TMEM236: variants seen among roughly 807,000 people sequenced by gnomAD.
The protein encoded by TMEM236 is transmembrane protein 236, also known as family with sequence similarity 23, member A.
Under a neutral mutation model 14.7 loss-of-function variants are expected in TMEM236, and 11 were observed. That is an observed-to-expected ratio of 0.75 (90% CI 0.47 to 1.24). The LOEUF is 1.24. TMEM236 is among the 50% of genes most tolerant of loss of function. TMEM236 has a pLI of 0.00. For missense variants in TMEM236, 464 were observed against 427.3 expected (o/e 1.09, Z -0.76); for synonymous variants, 182 against 168.6 (o/e 1.08, Z -0.62).
rs1353868428 is a variant in TMEM236 at position 17,800,671 on chromosome 10, C to T, written c.*4167C>T. 1 of 152,106 alleles carries T rather than the reference C, an allele frequency of 6.6e-6. No homozygotes were observed. The highest frequency in any genetic ancestry group is 2.1e-4 in the South Asian group (1 of 4,818). 9.4% of individuals were successfully genotyped at this position (152,106 alleles called of 1,614,324 possible). A position where few individuals can be genotyped will look rare whatever the true frequency, so the allele number is the denominator to read the frequency against. ...TGTGCTGTGTACCTTGGAGCAGGGC[C>T]TTACATAGTGAATATATCAATAGTT... On this transcript the variant is annotated 3_prime_UTR_variant, in exon 4 of 4. Transcript: ENST00000377495.
chr10:17,771,271 T>A lies in TMEM236; in HGVS notation c.258-38T>A, dbSNP rs782173511. The stretch of plus-strand genomic sequence containing the variant: ...AATGTAAGAGGAACTGTCGATCTTG[T>A]CCATGATTGCTTTGGCTTATTTTTT... On this transcript the variant is annotated intron_variant, in intron 1 of 3. Coordinates refer to ENST00000377495, the MANE Select transcript of TMEM236 (RefSeq NM_001098844.3). 69 of 1,590,034 alleles carry A rather than the reference T, an allele frequency of 4.3e-5. No homozygotes were observed. In the South Asian group the frequency reaches 7.2e-4, roughly 17 times the overall value.
At chr10:17,755,856 A>T (rs1201104778) in intron 1 of TMEM236, among the ~76,000 whole-genome samples, 4 of 152,172 alleles carry the variant, frequency 2.6e-5, no homozygotes, top group Non-Finnish European at 4.4e-5. Flanking sequence ...TCTGAATGTC[A>T]TTTAGGCAGC....
chr10:17,779,538 G>A (rs903910134), intron 3 of TMEM236, among the ~76,000 whole-genome samples: 1 of 152,066 alleles, frequency 6.6e-6, no homozygotes, highest in Non-Finnish European at 1.5e-5. Flanking sequence ...AGCCTCCCAA[G>A]TAGCTGGGAA....
At chr10:17,771,147 C>G (rs1837565055) in intron 1 of TMEM236, 162 bp from the exon 2 acceptor site, 2 of 675,688 alleles carry the variant, frequency 3.0e-6, no homozygotes, top group East Asian at 2.7e-5. Context: ...GCGCGTGTTC[C>G]TCTTTGCCAT....
At position 17,797,385 on chromosome 10, in the gene TMEM236, C is replaced by T. The variant is rs1838035039; in HGVS notation, c.*881C>T. ...CTCAGCTCACTGCAACCTGTATCTC[C>T]CGGGTTCAAGCGATTCTCCTGCCTC... On this transcript the variant is annotated 3_prime_UTR_variant, in exon 4 of 4. Transcript: ENST00000377495. The T allele has an allele frequency of 1.3e-5, 2 of 152,028 alleles. No individual in the cohort carries two copies. Among genetic ancestry groups the T allele is most frequent in the African/African-American group, 4.8e-5 (2 of 41,450 alleles). The allele number at this position is 152,028 out of a possible 1,614,324, so 9.4% of individuals were successfully genotyped here.
At chr10:17,777,600 T>C (rs1837679792) in intron 3 of TMEM236, among the ~76,000 whole-genome samples, 1 of 152,066 alleles carries the variant, frequency 6.6e-6, no homozygotes, top group Non-Finnish European at 1.5e-5. Flanking sequence ...AGCGTTAAAT[T>C]GGATGGTTTC....
intron 1 of TMEM236, among the ~76,000 whole-genome samples, chr10:17,757,187 CT>C (rs1272488205): frequency 0.011 from 1,639 of 152,282 alleles, 31 homozygotes; most frequent in African/African-American, 0.036. Context: ...AGCTTTACAC[CT>C]TCTGTACTGT....
At chr10:17,791,788 C>T (rs932864155) in intron 3 of TMEM236, among the ~76,000 whole-genome samples, 18 of 152,244 alleles carry the variant, frequency 1.2e-4, no homozygotes, top group Admixed American at 4.6e-4. Flanking sequence ...CCATTGAATC[C>T]CCTTTGATTA....
intron 1 of TMEM236, among the ~76,000 whole-genome samples, chr10:17,762,588 T>TATATATATATATATATATATATACAC (rs1837384951): frequency 3.0e-5 from 2 of 67,184 alleles, no homozygotes; most frequent in African/African-American, 2.2e-4. Context: ...TATATATATA[T>TATATATATATATATATATATATACAC]ATATATATAT....
In TMEM236 at chr10:17,798,631, G is replaced by T; in HGVS notation, c.*2127G>T. The T allele has an allele frequency of 1.9e-6, 1 of 528,118 alleles. No homozygotes were observed. 32.7% of individuals were successfully genotyped at this position (528,118 alleles called of 1,614,324 possible). A position where few individuals can be genotyped will look rare whatever the true frequency, so the allele number is the denominator to read the frequency against. The stretch of plus-strand genomic sequence containing the variant: ...CTGTCTCCCTTTCCCTCTGTTTTAG[G>T]ATTTTTCTCACACTGTAAAAGAAGA... On this transcript the variant is annotated 3_prime_UTR_variant, in exon 4 of 4. Coordinates refer to ENST00000377495, the MANE Select transcript of TMEM236 (RefSeq NM_001098844.3).
chr10:17,794,943 G>T (rs965273569), intron 3 of TMEM236, among the ~76,000 whole-genome samples: 3 of 152,086 alleles, frequency 2.0e-5, no homozygotes, highest in Non-Finnish European at 4.4e-5. Context: ...CAGGAGAATC[G>T]CTTGAACCCA....
At chr10:17,764,257 A>G (rs1013419343) in intron 1 of TMEM236, among the ~76,000 whole-genome samples, 3 of 152,180 alleles carry the variant, frequency 2.0e-5, no homozygotes, top group Non-Finnish European at 4.4e-5. Flanking sequence ...TTGTAACCCA[A>G]TGTGGCTGAG....
At chr10:17,794,779 T>C (rs1180499485) in intron 3 of TMEM236, among the ~76,000 whole-genome samples, 1 of 152,194 alleles carries the variant, frequency 6.6e-6, no homozygotes, top group Non-Finnish European at 1.5e-5. Flanking sequence ...GGCTCACACC[T>C]ATAATCCCAG....
At chr10:17,758,239 G>A (rs911071999) in intron 1 of TMEM236, among the ~76,000 whole-genome samples, 38 of 152,290 alleles carry the variant, frequency 2.5e-4, no homozygotes, top group African/African-American at 8.4e-4. Context: ...AATTATTTTT[G>A]AGGAATAGTC....
At chr10:17,782,651 C>G (rs1406231226) in intron 3 of TMEM236, among the ~76,000 whole-genome samples, 2 of 151,994 alleles carry the variant, frequency 1.3e-5, no homozygotes, top group African/African-American at 4.8e-5. Context: ...GGGATTTCAC[C>G]GTGTTGGCCA....
intron 3 of TMEM236, among the ~76,000 whole-genome samples, chr10:17,791,895 T>C (rs1287184080): frequency 1.3e-5 from 2 of 152,206 alleles, no homozygotes; most frequent in Admixed American, 1.3e-4. Context: ...GTCATGAAGC[T>C]ATGAGCTACT....
At chr10:17,769,140 G>A (rs1018290781) in intron 1 of TMEM236, among the ~76,000 whole-genome samples, 159 of 152,264 alleles carry the variant, frequency 1.0e-3, no homozygotes, top group African/African-American at 3.6e-3. Flanking sequence ...TTTAAAAAAC[G>A]TGAAGACAAT....
intron 1 of TMEM236, among the ~76,000 whole-genome samples, chr10:17,755,031 T>C (rs1268325513): frequency 1.3e-5 from 2 of 151,866 alleles, no homozygotes; most frequent in Non-Finnish European, 2.9e-5. Flanking sequence ...TTCCGCCTCC[T>C]GGGTTCAAGC....
intron 1 of TMEM236, among the ~76,000 whole-genome samples, chr10:17,759,595 T>A (rs1419014293): frequency 6.6e-6 from 1 of 152,180 alleles, no homozygotes; most frequent in Admixed American, 6.5e-5. Flanking sequence ...GAGCAAATAT[T>A]TATTGAGCAA....
Sources: allele counts gnomAD v4.1 joint callset (sites outside exome capture counted in the v4.1 genomes callset), GRCh38; gene constraint gnomAD v4.1.1; transcripts MANE v1.5; gene names NCBI Gene and HGNC (gene_info 2026-07-23, HGNC 2026-07-21).